TSEN54: variants seen among roughly 807,000 people sequenced by gnomAD.
TSEN54 encodes the protein tRNA splicing endonuclease subunit 54.
TSEN54 carries 55 observed loss-of-function variants against 61.9 expected under a neutral mutation model. The observed-to-expected ratio is 0.89, with a 90% CI of 0.72 to 1.11. The LOEUF is 1.11. TSEN54 is among the 50% of genes most tolerant of loss of function. The pLI is 0.00. For synonymous variants in TSEN54, 304 were observed against 288.7 expected, an observed-to-expected ratio of 1.05 and a Z score of -0.54; for missense variants, 760 against 687.7, an observed-to-expected ratio of 1.11 and a Z score of -1.18.
Position 75,516,778 on chromosome 17 carries a change from C to T in TSEN54, c.89C>T (p.Ser30Leu). 2 of 1,580,748 alleles carry T rather than the reference C, an allele frequency of 1.3e-6. No homozygotes were observed. The highest frequency in any genetic ancestry group is 1.7e-6 in the Non-Finnish European group (2 of 1,171,490). The change falls in exon 2 of 11, where the codon TCG (serine) becomes TTG (leucine). Residue 30 changes from serine to leucine, a missense_variant. Around this residue, in one of 3 missense-constraint regions of TSEN54, gnomAD observed 667 missense variants for 577.8 expected, o/e 1.15. Coordinates refer to ENST00000333213, the MANE Select transcript of TSEN54 (RefSeq NM_207346.3). Reference protein sequence around the residue: ...ARELFAARSRSQKLPQRSHGP... With the variant: ...ARELFAARSRLQKLPQRSHGP... ...GAGCTCTTCGCCGCCCGCTCGCGGT[C>T]GCAGAAGCTGCCCCAGCGCTCGCAT...
chr17:75,521,259 T>C, intron 6 of TSEN54, 150 bp from the exon 7 acceptor site: 2 of 714,772 alleles, frequency 2.8e-6, no homozygotes, highest in Non-Finnish European at 5.0e-6. Context: ...CCTGTACCCC[T>C]CATGGGGGTC....
Position 75,522,123 on chromosome 17 carries a change from C to T in TSEN54, c.1042C>T (p.Leu348Phe), listed in dbSNP as rs753393463. 1.1e-5 allele frequency: 17 copies of T among 1,571,318 alleles called. No individual in the cohort carries two copies. Among genetic ancestry groups the T allele is most frequent in the Non-Finnish European group, 1.4e-5 (16 of 1,157,476 alleles). Residue 348 changes from leucine (L) to phenylalanine (F), a missense_variant, in exon 8 of 11, where the codon CTC becomes TTC. Around this residue, in one of 3 missense-constraint regions of TSEN54, gnomAD observed 667 missense variants for 577.8 expected, o/e 1.15. Transcript: ENST00000333213. ...GAAGCTGAACCAGCGCAAGGAGAAG[C>T]TCTCCAGGCGGGAACGGGAGCACCA... Reference protein sequence around the residue: ...CQKLNQRKEKLSRREREHHAE... With the variant: ...CQKLNQRKEKFSRREREHHAE...
At chr17:75,518,865 C>T (rs2053399956) in intron 5 of TSEN54, 130 bp from the exon 6 acceptor site, 5 of 1,575,660 alleles carry the variant, frequency 3.2e-6, no homozygotes, top group Non-Finnish European at 4.3e-6. Context: ...CAACCTTAAT[C>T]ACAGGGTTTA....
Position 75,524,672 on chromosome 17 carries a change from C to T in TSEN54, c.*260C>T. On this transcript the variant is annotated 3_prime_UTR_variant, in exon 11 of 11. Transcript: ENST00000333213. The stretch of plus-strand genomic sequence containing the variant: ...TGGGGCAGAAGAGAGGACTGTGTGC[C>T]TTTAACGAGAGGGTGCCTGCTTCGT... 1.7e-6 allele frequency: 1 copy of T among 575,494 alleles called. No individual in the cohort carries two copies. Among genetic ancestry groups the T allele is most frequent in the Non-Finnish European group, 3.1e-6 (1 of 319,802 alleles). 35.6% of individuals were successfully genotyped at this position (575,494 alleles called of 1,614,324 possible). A position where few individuals can be genotyped will look rare whatever the true frequency, so the allele number is the denominator to read the frequency against.
chr17:75,517,290 G>T, intron 4 of TSEN54, 46 bp downstream of exon 4: 1 of 1,553,110 alleles, frequency 6.4e-7, no homozygotes, highest in Non-Finnish European at 8.7e-7. Context: ...ACCAAAGAAC[G>T]GGAAGGACAC....
At chr17:75,521,081 C>T (rs2053422506) in intron 6 of TSEN54, among the ~76,000 whole-genome samples, 1 of 152,000 alleles carries the variant, frequency 6.6e-6, no homozygotes, top group Admixed American at 6.6e-5. Flanking sequence ...AGTACAATGA[C>T]ATTTTTGTTA....
In TSEN54 at chr17:75,521,900, G is replaced by A. The variant is rs748035605; in HGVS notation, c.819G>A (p.Glu273=). 1.7e-5 allele frequency: 27 copies of A among 1,609,800 alleles called. 1 individual carries two copies. The highest frequency in any genetic ancestry group is 3.4e-5 in the Admixed American group (2 of 59,598). The stretch of plus-strand genomic sequence containing the variant: ...GCCCCAGCCCTGGCCCGGCCAGGGA[G>A]GGGGTGGGGTGCAGCTGGGAGAGTG... ...SLGPSPGPAR[E]GVGCSWESGR... The change falls in exon 8 of 11, where the codon GAG becomes GAA. Residue 273 remains glutamate, a synonymous_variant. Transcript: ENST00000333213.
At chr17:75,519,292 A>T (rs988984202) in intron 6 of TSEN54, among the ~76,000 whole-genome samples, 3 of 152,148 alleles carry the variant, frequency 2.0e-5, no homozygotes, top group African/African-American at 7.2e-5. Flanking sequence ...CCTGCAGCTG[A>T]GTGTGTGTGA....
At chr17:75,523,850 C>T (rs760411684) in intron 10 of TSEN54, 71 bp downstream of exon 10, 13 of 1,509,040 alleles carry the variant, frequency 8.6e-6, no homozygotes, top group Admixed American at 1.9e-5. Flanking sequence ...TGGGACTCCT[C>T]TGTACTCCCC....
At chr17:75,516,705 C>T (rs753137619) in intron 1 of TSEN54, 41 bp from the exon 2 acceptor site, 90 of 1,387,008 alleles carry the variant, frequency 6.5e-5, no homozygotes, top group Admixed American at 4.9e-4. Context: ...CCAGGCGGCC[C>T]CCGATGCGCG....
Position 75,522,338 on chromosome 17 carries a change from C to T in TSEN54, c.1252+5C>T. The T allele has an allele frequency of 6.5e-7, 1 of 1,544,624 alleles. No individual in the cohort carries two copies. The highest frequency in any genetic ancestry group is 8.7e-7 in the Non-Finnish European group (1 of 1,146,810). On this transcript the variant is annotated splice_donor_5th_base_variant and intron_variant, in intron 8 of 10. Transcript: ENST00000333213. ...CTGGCCAGGCCAGCTCCCCAGGTAC[C>T]CCCTCAGCCTGCCACATCTTCGAGG...
At chr17:75,516,932 G>T in intron 2 of TSEN54, 22 bp downstream of exon 2, 2 of 1,545,314 alleles carry the variant, frequency 1.3e-6, no homozygotes, top group East Asian at 2.4e-5. Context: ...GGGCCCAGGG[G>T]TAAGGGAAGC....
Position 75,521,723 on chromosome 17 carries a change from C to T in TSEN54, c.642C>T (p.Ala214=), listed in dbSNP as rs148257289. 7.4e-6 allele frequency: 12 copies of T among 1,612,948 alleles called. No individual in the cohort carries two copies. Among genetic ancestry groups the T allele is most frequent in the Non-Finnish European group, 9.3e-6 (11 of 1,179,948 alleles). ...SSSPRSINKK[A]KALDNSLQPK... ...CCCTCAGGTCCATTAATAAGAAGGC[C>T]AAGGCCCTGGACAACTCCCTGCAAC... The change falls in exon 8 of 11, where the codon GCC becomes GCT. Residue 214 remains alanine (A), a synonymous_variant. Coordinates refer to ENST00000333213, the MANE Select transcript of TSEN54 (RefSeq NM_207346.3).
At chr17:75,518,845 A>G in intron 5 of TSEN54, 150 bp from the exon 6 acceptor site, 1 of 1,534,024 alleles carries the variant, frequency 6.5e-7, no homozygotes, top group Non-Finnish European at 8.7e-7. Flanking sequence ...GTTCGTAATG[A>G]AGCATGGTCC....
chr17:75,518,576 T>A (rs2053397139), intron 5 of TSEN54: 1 of 985,288 alleles, frequency 1.0e-6, no homozygotes, highest in Non-Finnish European at 1.2e-6. Context: ...AATATGTGGC[T>A]CCCTACCAGA....
rs749732973 is a variant in TSEN54 at position 75,521,220 on chromosome 17, G to C, written c.522-189G>C. On this transcript the variant is annotated intron_variant, in intron 6 of 10. Transcript: ENST00000333213. Reference sequence around the variant, plus strand: ...GCTCCTCTGGGCCATTGCCTAGGCAGAGGCACATGGCTGGGCCCCCTGGCT... The same window carrying C: ...GCTCCTCTGGGCCATTGCCTAGGCACAGGCACATGGCTGGGCCCCCTGGCT... The C allele has an allele frequency of 1.8e-5, 11 of 625,902 alleles. No individual in the cohort carries two copies. The South Asian group carries it at 1.8e-4, about 10-fold the overall frequency. 38.8% of individuals were successfully genotyped at this position (625,902 alleles called of 1,614,324 possible).
At chr17:75,520,510 T>C (rs1293077530) in intron 6 of TSEN54, among the ~76,000 whole-genome samples, 3 of 148,266 alleles carry the variant, frequency 2.0e-5, no homozygotes, top group South Asian at 4.3e-4. Flanking sequence ...TGCTTGAACC[T>C]GGGCAGCTGA....
At chr17:75,520,127 A>T (rs1239163473) in intron 6 of TSEN54, among the ~76,000 whole-genome samples, 3 of 152,222 alleles carry the variant, frequency 2.0e-5, no homozygotes, top group African/African-American at 7.2e-5. Flanking sequence ...GCAGGCTCAC[A>T]CAAATGAGAG....
chr17:75,522,456 G>A, intron 8 of TSEN54, 123 bp downstream of exon 8: 4 of 1,518,762 alleles, frequency 2.6e-6, no homozygotes, highest in Middle Eastern at 2.3e-4. Flanking sequence ...AGGAGGGAGT[G>A]GACCCACAAG....
Sources: gnomAD v4.1 joint callset for allele counts (sites outside exome capture counted in the v4.1 genomes callset) on GRCh38, gnomAD v4.1.1 for gene constraint, gnomAD v4.1.1 regional missense constraint, MANE v1.5 for transcripts, NCBI Gene and HGNC (gene_info 2026-07-23, HGNC 2026-07-21) for gene names.